MTCL1: variants seen among roughly 807,000 people sequenced by gnomAD.
MTCL1 encodes microtubule crosslinking factor 1.
A neutral mutation model predicts 141.4 loss-of-function variants in MTCL1; 79 were observed. The ratio of observed to expected loss-of-function variants is 0.56; its 90% CI spans 0.47 to 0.67. The LOEUF is 0.67. Ranked by LOEUF, MTCL1 falls within the 30% of genes least tolerant of loss-of-function variation. The probability of loss-of-function intolerance (pLI) is 0.00; values close to 1 mark genes in which losing one functional copy is unlikely to be tolerated. For synonymous variants in MTCL1, 914 were observed against 875.8 expected (o/e 1.04, Z -0.77); for missense variants, 2,177 against 2,113.9 (o/e 1.03, Z -0.59).
rs34690009 is a variant in MTCL1, at chr18:8,784,667, A to G, written c.1555A>G (p.Met519Val). ...GCTGCTGGGGACCATCAACGCCAAG[A>G]TGAAGGCTTTCAAGAAAGAGCTGCA... is the stretch of plus-strand genomic sequence containing the variant. The change falls in exon 6 of 17, where the codon ATG becomes GTG. Residue 519 changes from methionine to valine, a missense_variant. Coordinates refer to ENST00000359865, the Ensembl canonical transcript of MTCL1. 3,129 of 1,614,160 alleles carry G rather than the reference A, an allele frequency of 1.9e-3. 51 individuals carry two copies. In the African/African-American group the frequency reaches 0.037, roughly 19 times the overall value.
At chr18:8,745,713 T>A (rs750126821) in intron 4 of MTCL1, among the ~76,000 whole-genome samples, 2 of 152,240 alleles carry the variant, frequency 1.3e-5, no homozygotes, top group African/African-American at 2.4e-5. Flanking sequence ...AACTTTTATC[T>A]TTTTATTTTT....
intron 10 of MTCL1, among the ~76,000 whole-genome samples, chr18:8,804,545 A>G (rs763752383): frequency 3.5e-4 from 54 of 152,240 alleles, no homozygotes; most frequent in African/African-American, 1.2e-3. Context: ...GTAAGAATGT[A>G]TAAGACTCAT....
In MTCL1 at chr18:8,757,002, G is replaced by T. The variant is rs2096405373; in HGVS notation, c.358-20831G>T. 2.0e-5 allele frequency among the ~76,000 whole-genome samples: 3 copies of T among 152,182 alleles called. No homozygotes were observed. The South Asian group carries it at 6.2e-4, about 32-fold the overall frequency. On this transcript the variant is annotated intron_variant, in intron 4 of 16. Coordinates refer to ENST00000359865, the Ensembl canonical transcript of MTCL1. The stretch of plus-strand genomic sequence containing the variant: ...TGAGGGGAGCAGCATTAGCACCGTG[G>T]AACTGTCAGCCAGAGAGCTACAAGG...
chr18:8,746,400 A>T (rs2096338250), intron 4 of MTCL1, among the ~76,000 whole-genome samples: 2 of 152,150 alleles, frequency 1.3e-5, no homozygotes, highest in Admixed American at 1.3e-4. Flanking sequence ...AACTCTGGTT[A>T]TTTTTTGTTC....
intron 5 of MTCL1, chr18:8,782,371 A>G: frequency 6.6e-6 from 1 of 152,218 alleles, no homozygotes; most frequent in South Asian, 2.1e-4. Context: ...ATCAAAGAGG[A>G]GTGATTCGTG....
exon 15 of MTCL1, chr18:8,826,029 G>A: frequency 6.2e-7 from 1 of 1,611,116 alleles, no homozygotes; most frequent in Non-Finnish European, 8.5e-7. Context: ...GTGCAGGGAG[G>A]AAGGGGGAGA....
chr18:8,789,445 T>A (rs186499926), intron 7 of MTCL1: 2 of 985,446 alleles, frequency 2.0e-6, no homozygotes, highest in Admixed American at 1.2e-4. Context: ...TTTCTGTTTG[T>A]GTTTGAGATT....
intron 4 of MTCL1, among the ~76,000 whole-genome samples, chr18:8,759,565 T>A (rs1389369012): frequency 6.6e-6 from 1 of 152,096 alleles, no homozygotes; most frequent in Non-Finnish European, 1.5e-5. Context: ...GTTGGAGAGG[T>A]TCTCACTTGT....
At chr18:8,778,777 C>T (rs1287928642) in intron 5 of MTCL1, among the ~76,000 whole-genome samples, 2 of 152,244 alleles carry the variant, frequency 1.3e-5, no homozygotes, top group Admixed American at 1.3e-4. Context: ...CATCCCGTTG[C>T]TGGGTGCTTA....
intron 4 of MTCL1, among the ~76,000 whole-genome samples, chr18:8,775,551 C>T (rs1364561886): frequency 4.6e-5 from 7 of 151,590 alleles, no homozygotes; most frequent in East Asian, 1.9e-4. Flanking sequence ...CCAGCCTGGG[C>T]GACAGAGAAA....
chr18:8,755,078 A>G (rs2096390083), intron 4 of MTCL1, among the ~76,000 whole-genome samples: 1 of 152,204 alleles, frequency 6.6e-6, no homozygotes, highest in Admixed American at 6.5e-5. Context: ...CATTTGAGTA[A>G]CACCGCCTGT....
intron 4 of MTCL1, among the ~76,000 whole-genome samples, chr18:8,763,911 TTTG>T (rs1356627956): frequency 6.6e-6 from 1 of 152,178 alleles, no homozygotes; most frequent in East Asian, 1.9e-4. Context: ...GGGAGCGAAT[TTTG>T]TTGTTGAAAT....
At chr18:8,802,208 G>A (rs1189809223) in intron 10 of MTCL1, 1 of 152,216 alleles carries the variant, frequency 6.6e-6, no homozygotes, top group Non-Finnish European at 1.5e-5. Flanking sequence ...AAAAGGAGCT[G>A]TGCGTGCCTT....
intron 4 of MTCL1, among the ~76,000 whole-genome samples, chr18:8,740,652 TTTG>T (rs2096297671): frequency 6.6e-6 from 1 of 152,032 alleles, no homozygotes; most frequent in African/African-American, 2.4e-5. Flanking sequence ...CTGGCTAATT[TTTG>T]TATTTTTAGT....
Position 8,825,011 on chromosome 18 carries a change from C to G in MTCL1, c.3501C>G (p.Thr1167=), listed in dbSNP as rs1381974937. 2.5e-6 allele frequency: 4 copies of G among 1,613,224 alleles called. No homozygotes were observed. The Admixed American group carries it at 5.0e-5, about 20-fold the overall frequency. Residue 1167 remains threonine (T), a synonymous_variant, in exon 15 of 17, where the codon ACC becomes ACG. Coordinates refer to ENST00000359865, the Ensembl canonical transcript of MTCL1. ...CAAGTGTCACCATGACCACGGACAC[C>G]ATGACCAGCCCAGAGCACTGCCAGA... is the stretch of plus-strand genomic sequence containing the variant.
chr18:8,756,508 T>G (rs143544951), intron 4 of MTCL1, among the ~76,000 whole-genome samples: 178 of 151,272 alleles, frequency 1.2e-3, no homozygotes, highest in African/African-American at 3.6e-3. Flanking sequence ...TATGTGTGTA[T>G]ATATATGTGT....
intron 4 of MTCL1, among the ~76,000 whole-genome samples, chr18:8,750,197 C>G (rs2096363389): frequency 6.6e-6 from 1 of 152,002 alleles, no homozygotes; most frequent in African/African-American, 2.4e-5. Context: ...CAGGCTCATG[C>G]CACCACACTG....
intron 7 of MTCL1, among the ~76,000 whole-genome samples, chr18:8,791,892 TC>T (rs2075740221): frequency 6.6e-6 from 1 of 151,968 alleles, no homozygotes. Flanking sequence ...ACTTGGTGAA[TC>T]CCCAGTGTCT....
In MTCL1 at chr18:8,757,250, A is replaced by G. The variant is rs79595103; in HGVS notation, c.358-20583A>G. 3.1e-3 allele frequency among the ~76,000 whole-genome samples: 468 copies of G among 152,274 alleles called. 13 individuals carry two copies. In the East Asian group the frequency reaches 0.073, roughly 24 times the overall value. ...GGAGTCTAGAACTTCACAGCCATCT[A>G]TAATGCTTGACTCTGTGTATTTAAT... On this transcript the variant is annotated intron_variant, in intron 4 of 16. Coordinates refer to ENST00000359865, the Ensembl canonical transcript of MTCL1.
Sources: gnomAD v4.1 joint callset for allele counts (sites outside exome capture counted in the v4.1 genomes callset) on GRCh38, gnomAD v4.1.1 for gene constraint, MANE v1.5 for transcripts, NCBI Gene and HGNC (gene_info 2026-07-23, HGNC 2026-07-21) for gene names.